MYO1G: variants seen among roughly 807,000 people sequenced by gnomAD.
MYO1G encodes myosin IG.
MYO1G carries 65 observed loss-of-function variants against 115.3 expected under a neutral mutation model. The observed-to-expected ratio is 0.56, with a 90% CI of 0.46 to 0.69. The LOEUF (loss-of-function observed/expected upper bound fraction) is 0.69. Ranked by LOEUF, MYO1G falls within the 30% of genes least tolerant of loss-of-function variation. The pLI, the probability that MYO1G is intolerant of heterozygous loss-of-function variation, is 0.00. For synonymous variants in MYO1G, 510 were observed against 552.6 expected (o/e 0.92, Z 1.08); for missense variants, 1,204 against 1,393.5 (o/e 0.86, Z 2.16).
In MYO1G at chr7:44,966,456, ACAGCCCT is replaced by A. The variant is rs563691323; in HGVS notation, c.1950-183_1950-177del. On this transcript the variant is annotated intron_variant, in intron 15 of 21. Transcript: ENST00000258787. The surrounding 1 kb of genome is among the most constrained non-coding windows in gnomAD (Gnocchi z 5.0). ...CATGTCCTCACATACATGTCCTCAC[ACAGCCCT>A]CATACCCATGTTCCCACCTGTATGT... is the stretch of plus-strand genomic sequence containing the variant. The A allele has an allele frequency of 2.1e-3, 1,696 of 809,828 alleles. 3 individuals are homozygous for A. The highest frequency in any genetic ancestry group is 2.9e-3 in the Non-Finnish European group (1,378 of 482,818). The allele number at this position is 809,828 out of a possible 1,614,324, so 50.2% of individuals were successfully genotyped here.
chr7:44,967,052 G>C (rs903777503), intron 14 of MYO1G, among the ~76,000 whole-genome samples: 6 of 152,218 alleles, frequency 3.9e-5, no homozygotes, highest in Non-Finnish European at 8.8e-5. Context: ...CCCCTGGTCG[G>C]GGGGTGGGGA....
At chr7:44,977,430 A>G (rs1442079497) in intron 1 of MYO1G, among the ~76,000 whole-genome samples, 3 of 151,310 alleles carry the variant, frequency 2.0e-5, no homozygotes, top group Admixed American at 2.0e-4. Context: ...TGAACCCCGC[A>G]GGGCAGATGG....
Position 44,970,919 on chromosome 7 carries a change from G to A in MYO1G, c.987C>T (p.Arg329=). The A allele has an allele frequency of 7.4e-6, 12 of 1,613,536 alleles. No individual in the cohort carries two copies. The highest frequency in any genetic ancestry group is 1.0e-5 in the Non-Finnish European group (12 of 1,180,028). ...RDLVLRSLLA[R]TVASGGRELI... ...GTTCCCTGCCTCCCGAGGCAACTGTGCGAGCCAGCAGGGAGCGGAGCACGA... is the reference window on the plus strand; with the variant it reads ...GTTCCCTGCCTCCCGAGGCAACTGTACGAGCCAGCAGGGAGCGGAGCACGA... Residue 329 remains arginine, a synonymous_variant, in exon 8 of 22, where the codon CGC becomes CGT. Coordinates refer to ENST00000258787, the MANE Select transcript of MYO1G (RefSeq NM_033054.3).
At position 44,976,966 on chromosome 7, in the gene MYO1G, C is replaced by T; in HGVS notation, c.201G>A (p.Gln67=). 6.2e-7 allele frequency: 1 copy of T among 1,613,680 alleles called. No homozygotes were observed. Among genetic ancestry groups the T allele is most frequent in the South Asian group, 1.1e-5 (1 of 91,090 alleles). The stretch of plus-strand genomic sequence containing the variant: ...GTGGCCGCTCATAGAGCTCACGGCC[C>T]TGGTACCTGGCGATGGCCTCAGGCC... ...LYGPEAIARY[Q]GRELYERPPH... The change falls in exon 2 of 22, where the codon CAG becomes CAA. Residue 67 remains glutamine, a synonymous_variant. Transcript: ENST00000258787.
rs190000984 is a variant in MYO1G, at chr7:44,966,943, G to C, written c.1783-105C>G. On this transcript the variant is annotated intron_variant, in intron 14 of 21. Transcript: ENST00000258787. This position sits in a 1 kb window ranked among gnomAD's most constrained non-coding sequence, Gnocchi z 5.0. ...CCCTCAAGGTCCCAGGCCAGGAGAAGAGTTGGGAACAAAGAAGGGAAATCA... is the reference window on the plus strand; with the variant it reads ...CCCTCAAGGTCCCAGGCCAGGAGAACAGTTGGGAACAAAGAAGGGAAATCA... 37 of 1,259,148 alleles carry C rather than the reference G, an allele frequency of 2.9e-5. No homozygotes were observed. The East Asian group carries it at 8.6e-4, about 29-fold the overall frequency. The allele number at this position is 1,259,148 out of a possible 1,614,324, so 78.0% of individuals were successfully genotyped here.
chr7:44,967,842 G>C (rs931947751), intron 13 of MYO1G, 42 bp downstream of exon 13: 3 of 1,612,980 alleles, frequency 1.9e-6, no homozygotes, highest in African/African-American at 2.7e-5. Context: ...TGGGGCCCCA[G>C]GGCCCTGGCC....
At chr7:44,975,105 G>A in intron 5 of MYO1G, 69 bp downstream of exon 5, 1 of 1,508,364 alleles carries the variant, frequency 6.6e-7, no homozygotes, top group Non-Finnish European at 9.2e-7. Flanking sequence ...AGGGTCACAA[G>A]CTGGTCCAGC....
intron 4 of MYO1G, 119 bp from the exon 5 acceptor site, chr7:44,975,346 A>G: frequency 6.7e-7 from 1 of 1,483,764 alleles, no homozygotes; most frequent in Non-Finnish European, 9.4e-7. Context: ...CTATGAGGAC[A>G]CTGAGGCCCA....
In MYO1G at chr7:44,964,331, C is replaced by A. The variant is rs1392886286; in HGVS notation, c.2631+84G>T. 1.4e-6 allele frequency: 2 copies of A among 1,442,694 alleles called. No homozygotes were observed. The highest frequency in any genetic ancestry group is 1.7e-5 in the Admixed American group (1 of 59,290). The allele number at this position is 1,442,694 out of a possible 1,614,324, so 89.4% of individuals were successfully genotyped here. A position where few individuals can be genotyped will look rare whatever the true frequency, so the allele number is the denominator to read the frequency against. On this transcript the variant is annotated intron_variant, in intron 19 of 21. Transcript: ENST00000258787. This position sits in a 1 kb window ranked among gnomAD's most constrained non-coding sequence, Gnocchi z 5.1. ...CTCCATTTTCTCCCAAGTGCCCCCC[C>A]AAAACTCTGCACCAGCTTCTAACCT... is the stretch of plus-strand genomic sequence containing the variant.
intron 17 of MYO1G, 33 bp from the exon 18 acceptor site, chr7:44,965,122 GCCATGTGTTCATGTGCT>G: frequency 1.3e-6 from 2 of 1,585,062 alleles, no homozygotes; most frequent in Non-Finnish European, 1.7e-6. Flanking sequence ...ACAGATGCTG[GCCATGTGTTCATGTGCT>G]CCCTGAGCCC....
rs370672101 is a variant in MYO1G, at chr7:44,969,527, G to A, written c.1504-44C>T. ...GTCAAGGCACAAAAGGTATGTGGAGGGTCTGTATGAAGGGATAGCCCTGCC... is the reference window on the plus strand; with the variant it reads ...GTCAAGGCACAAAAGGTATGTGGAGAGTCTGTATGAAGGGATAGCCCTGCC... On this transcript the variant is annotated intron_variant, in intron 11 of 21. Coordinates refer to ENST00000258787, the MANE Select transcript of MYO1G (RefSeq NM_033054.3). The surrounding 1 kb of genome is among the most constrained non-coding windows in gnomAD (Gnocchi z 5.0). The A allele has an allele frequency of 1.2e-6, 2 of 1,606,834 alleles. No individual in the cohort carries two copies. Among genetic ancestry groups the A allele is most frequent in the Non-Finnish European group, 1.7e-6 (2 of 1,173,982 alleles).
At position 44,966,982 on chromosome 7, in the gene MYO1G, C is replaced by T. The variant is rs182230874; in HGVS notation, c.1783-144G>A. 37 of 947,842 alleles carry T rather than the reference C, an allele frequency of 3.9e-5. No homozygotes were observed. The African/African-American group carries it at 6.1e-4, about 16-fold the overall frequency. The allele number at this position is 947,842 out of a possible 1,614,324, so 58.7% of individuals were successfully genotyped here. On this transcript the variant is annotated intron_variant, in intron 14 of 21. Transcript: ENST00000258787. The surrounding 1 kb of genome is among the most constrained non-coding windows in gnomAD (Gnocchi z 5.0). ...GAAGGGAAATCAGCAGAACAAGGGC[C>T]CTGGAAGCCCTAAGTGCTGGGCAGA...
At chr7:44,975,374 G>T in intron 4 of MYO1G, 110 bp downstream of exon 4, 1 of 1,519,516 alleles carries the variant, frequency 6.6e-7, no homozygotes, top group Admixed American at 1.7e-5. Flanking sequence ...GCCACAGGGA[G>T]AGACAGCCCA....
chr7:44,976,977 C>T lies in MYO1G; in HGVS notation c.190G>A (p.Ala64Thr), dbSNP rs757215110. 27 of 1,613,670 alleles carry T rather than the reference C, an allele frequency of 1.7e-5. No homozygotes were observed. Among genetic ancestry groups the T allele is most frequent in the Middle Eastern group, 1.6e-4 (1 of 6,062 alleles). The change falls in exon 2 of 22, where the codon GCC (alanine) becomes ACC (threonine). Residue 64 changes from alanine to threonine, a missense_variant. Ala to Thr is a moderately conservative substitution (Grantham distance 58, BLOSUM62 0). Transcript: ENST00000258787. ...ELPLYGPEAIARYQGRELYER... is the reference protein window; with the variant it reads ...ELPLYGPEAITRYQGRELYER... ...TAGAGCTCACGGCCCTGGTACCTGG[C>T]GATGGCCTCAGGCCCATACAGGGGC...
rs1228618845 is a variant in MYO1G at position 44,964,124 on chromosome 7, C to T, written c.2670G>A (p.Leu890=). 3.1e-6 allele frequency: 5 copies of T among 1,605,376 alleles called. No homozygotes were observed. The South Asian group carries it at 3.4e-5, about 11-fold the overall frequency. ...GCTTGTAGAGGTGCTGGTCTGTGAG[C>T]AGGAGGGCCCGGTTCCGGATCTTGT... ...RFHKIRNRAL[L]LTDQHLYKLD... Residue 890 remains leucine, a synonymous_variant, in exon 20 of 22, where the codon CTG becomes CTA. Coordinates refer to ENST00000258787, the MANE Select transcript of MYO1G (RefSeq NM_033054.3). The surrounding 1 kb of genome is among the most constrained non-coding windows in gnomAD (Gnocchi z 5.1).
chr7:44,962,868 G>T lies in MYO1G; in HGVS notation c.2928C>A (p.Val976=), dbSNP rs1322114645. Residue 976 remains valine, a synonymous_variant, in exon 22 of 22, where the codon GTC becomes GTA. Transcript: ENST00000258787. The surrounding 1 kb of genome is among the most constrained non-coding windows in gnomAD (Gnocchi z 5.3). The stretch of plus-strand genomic sequence containing the variant: ...GATGGCTTAGTGGGATGCAGTCGGA[G>T]ACGCGAACCTCCAGGGTGCGGCCCT... ...QGEGRTLEVR[V]SDCIPLSHRG... is the part of the protein sequence containing the mutation. The T allele has an allele frequency of 6.7e-7, 1 of 1,499,698 alleles. No individual in the cohort carries two copies. Among genetic ancestry groups the T allele is most frequent in the Non-Finnish European group, 8.9e-7 (1 of 1,126,112 alleles). 92.9% of individuals were successfully genotyped at this position (1,499,698 alleles called of 1,614,324 possible).
Position 44,963,234 on chromosome 7 carries a change from A to G in MYO1G, c.2746-110T>C. On this transcript the variant is annotated intron_variant, in intron 20 of 21. Coordinates refer to ENST00000258787, the MANE Select transcript of MYO1G (RefSeq NM_033054.3). This position sits in a 1 kb window ranked among gnomAD's most constrained non-coding sequence, Gnocchi z 4.1. ...GCCGAACCCCCAACCGCACCCGGGG[A>G]GCGCCGCCCTCGCCAGGGCCACCAG... The G allele has an allele frequency of 7.7e-7, 1 of 1,305,892 alleles. No individual in the cohort carries two copies. The highest frequency in any genetic ancestry group is 9.9e-7 in the Non-Finnish European group (1 of 1,008,954). The allele number at this position is 1,305,892 out of a possible 1,614,324, so 80.9% of individuals were successfully genotyped here. A position where few individuals can be genotyped will look rare whatever the true frequency, so the allele number is the denominator to read the frequency against.
At chr7:44,967,309 C>A (rs139343790) in intron 14 of MYO1G, among the ~76,000 whole-genome samples, 83 of 152,314 alleles carry the variant, frequency 5.4e-4, no homozygotes, top group Middle Eastern at 3.4e-3. Context: ...CTGGGCTGGG[C>A]CAAGCCAGCC....
At position 44,964,795 on chromosome 7, in the gene MYO1G, CT is replaced by C; in HGVS notation, c.2526+149del. The C allele has an allele frequency of 8.1e-7, 1 of 1,228,660 alleles. No homozygotes were observed. Among genetic ancestry groups the C allele is most frequent in the Non-Finnish European group, 1.1e-6 (1 of 878,748 alleles). The allele number at this position is 1,228,660 out of a possible 1,614,324, so 76.1% of individuals were successfully genotyped here. On this transcript the variant is annotated intron_variant, in intron 18 of 21. Transcript: ENST00000258787. This position sits in a 1 kb window ranked among gnomAD's most constrained non-coding sequence, Gnocchi z 5.1. ...AAGCCCAGGATGAGACCTTGCAGAG[CT>C]CTGGTGGGGGCTGAGGTACAGGGCC...
Sources: allele counts gnomAD v4.1 joint callset (sites outside exome capture counted in the v4.1 genomes callset), GRCh38; gene constraint gnomAD v4.1.1; non-coding constraint Gnocchi (gnomAD v3.1); transcripts MANE v1.5; gene names NCBI Gene and HGNC (gene_info 2026-07-23, HGNC 2026-07-21).